TPMT: variants seen among roughly 807,000 people sequenced by gnomAD.
TPMT encodes S-adenosyl-L-methionine:thiopurine S-methyltransferase.
Under a neutral mutation model 34.2 loss-of-function variants are expected in TPMT, and 18 were observed. That is an observed-to-expected ratio of 0.53 (90% CI 0.36 to 0.78). TPMT has a LOEUF of 0.78. Among genes scored for constraint, TPMT ranks in the 30% least tolerant of loss-of-function variants. The pLI is 0.00. For synonymous variants in TPMT, 69 were observed against 92.4 expected, an observed-to-expected ratio of 0.75 and a Z score of 1.45; for missense variants, 265 against 288.1, an observed-to-expected ratio of 0.92 and a Z score of 0.58.
chr6:18,152,320 C>G (rs1405428044), intron 1 of TPMT, among the ~76,000 whole-genome samples: 2 of 152,112 alleles, frequency 1.3e-5, no homozygotes, highest in African/African-American at 4.8e-5. Flanking sequence ...TCTCTCCTGT[C>G]CTGGCTATCC....
chr6:18,145,660 G>A lies in TPMT; in HGVS notation c.234-1932C>T, dbSNP rs11969221. 0.058 allele frequency among the ~76,000 whole-genome samples: 8,766 copies of A among 152,112 alleles called. 335 individuals are homozygous for A. Among genetic ancestry groups the A allele is most frequent in the African/African-American group, 0.1 (4,354 of 41,488 alleles). ...ACATATAACTTGTCTTTCATCTTTC[G>A]TATTTCTTAGGATATCTGTAAACAT... On this transcript the variant is annotated intron_variant, in intron 3 of 8. Coordinates refer to ENST00000309983, the MANE Select transcript of TPMT (RefSeq NM_000367.5). The surrounding 1 kb of genome is among the most constrained non-coding windows in gnomAD (Gnocchi z 5.6).
chr6:18,152,089 T>C (rs1014635447), intron 1 of TPMT, among the ~76,000 whole-genome samples: 8 of 152,206 alleles, frequency 5.3e-5, no homozygotes, highest in Non-Finnish European at 8.8e-5. Flanking sequence ...GGATTTGGCC[T>C]GTTCTGAACC....
chr6:18,134,983 C>G (rs1003995789), intron 6 of TPMT, among the ~76,000 whole-genome samples: 1 of 152,226 alleles, frequency 6.6e-6, no homozygotes, highest in Non-Finnish European at 1.5e-5. Context: ...GTCCAGAGGT[C>G]TGCCAGAAGT....
chr6:18,151,184 CTTT>C (rs55751001), intron 1 of TPMT, among the ~76,000 whole-genome samples: 2,556 of 130,324 alleles, frequency 0.02, 28 homozygotes, highest in Non-Finnish European at 0.033. Context: ...CTTCTTCTCT[CTTT>C]TTTTTTTTTT....
Position 18,133,893 on chromosome 6 carries a change from CA to C in TPMT, c.495-5del. 1 of 1,611,604 alleles carries C rather than the reference CA, an allele frequency of 6.2e-7. No homozygotes were observed. Among genetic ancestry groups the C allele is most frequent in the African/African-American group, 1.3e-5 (1 of 74,942 alleles). ...GGAAAACATTGTATCTGCATAGCTACAAAGAACACAAGAAGGTATTTGTTAC... is the reference window on the plus strand; with the variant it reads ...GGAAAACATTGTATCTGCATAGCTACAAGAACACAAGAAGGTATTTGTTAC... On this transcript the variant is annotated splice_region_variant and splice_polypyrimidine_tract_variant and intron_variant, in intron 6 of 8. Transcript: ENST00000309983.
At position 18,148,563 on chromosome 6, in the gene TPMT, A is replaced by C. The variant is rs1045196489; in HGVS notation, c.140+425T>G. The stretch of plus-strand genomic sequence containing the variant: ...CTAACTCACTTTATAATTTCTCGCA[A>C]CTTCTTTTCTCCCACCATAGAGATA... On this transcript the variant is annotated intron_variant, in intron 2 of 8. Transcript: ENST00000309983. This position sits in a 1 kb window ranked among gnomAD's most constrained non-coding sequence, Gnocchi z 4.1. 2.0e-5 allele frequency among the ~76,000 whole-genome samples: 3 copies of C among 152,166 alleles called. No individual in the cohort carries two copies. The highest frequency in any genetic ancestry group is 6.5e-5 in the Admixed American group (1 of 15,268).
rs572815796 is a variant in TPMT, at chr6:18,147,228, T to C, written c.233+595A>G. Among the ~76,000 whole-genome samples, 4 of 152,360 alleles carry C rather than the reference T, an allele frequency of 2.6e-5. No individual in the cohort carries two copies. In the East Asian group the frequency reaches 5.8e-4, roughly 22 times the overall value. Reference sequence around the variant, plus strand: ...ATTATCATTACAAGAGAGTTCAGTATAGAGAATGATGTCGAGGTGACTTTA... The same window carrying C: ...ATTATCATTACAAGAGAGTTCAGTACAGAGAATGATGTCGAGGTGACTTTA... On this transcript the variant is annotated intron_variant, in intron 3 of 8. Coordinates refer to ENST00000309983, the MANE Select transcript of TPMT (RefSeq NM_000367.5).
rs1431726251 is a variant in TPMT, at chr6:18,128,725, T to C, written c.*1943A>G. The C allele has an allele frequency of 1.3e-5, 2 of 152,268 alleles. No homozygotes were observed. Among genetic ancestry groups the C allele is most frequent in the Non-Finnish European group, 2.9e-5 (2 of 68,416 alleles). 9.4% of individuals were successfully genotyped at this position (152,268 alleles called of 1,614,324 possible). A position where few individuals can be genotyped will look rare whatever the true frequency, so the allele number is the denominator to read the frequency against. ...CTTGCCTTTCTTTTTTTTCTTTTCT[T>C]TTTCTTTCTTTTGAGACAGAGTCTT... On this transcript the variant is annotated 3_prime_UTR_variant, in exon 9 of 9. Coordinates refer to ENST00000309983, the MANE Select transcript of TPMT (RefSeq NM_000367.5). This position sits in a 1 kb window ranked among gnomAD's most constrained non-coding sequence, Gnocchi z 4.6.
Position 18,146,219 on chromosome 6 carries a change from A to G in TPMT, c.233+1604T>C, listed in dbSNP as rs1354138297. Among the ~76,000 whole-genome samples, 1 of 151,808 alleles carries G rather than the reference A, an allele frequency of 6.6e-6. No homozygotes were observed. The highest frequency in any genetic ancestry group is 1.5e-5 in the Non-Finnish European group (1 of 67,970). ...TATTTACGTATATATACATATATAT[A>G]TATTTTTTGGAGACAGAGTCTCACT... On this transcript the variant is annotated intron_variant, in intron 3 of 8. Transcript: ENST00000309983. The surrounding 1 kb of genome is among the most constrained non-coding windows in gnomAD (Gnocchi z 6.2).
In TPMT at chr6:18,130,523, T is replaced by C. The variant is rs889147067; in HGVS notation, c.*145A>G. On this transcript the variant is annotated 3_prime_UTR_variant, in exon 9 of 9. Coordinates refer to ENST00000309983, the MANE Select transcript of TPMT (RefSeq NM_000367.5). The surrounding 1 kb of genome is among the most constrained non-coding windows in gnomAD (Gnocchi z 4.2). The stretch of plus-strand genomic sequence containing the variant: ...AACTTTTTTAGAAAAAGTAAATGGC[T>C]TTACTAAAAAGCCATTTTTAGTAAA... 8.1e-4 allele frequency: 504 copies of C among 625,490 alleles called. 6 individuals carry two copies. The highest frequency in any genetic ancestry group is 1.5e-4 in the Non-Finnish European group (55 of 355,810). 38.7% of individuals were successfully genotyped at this position (625,490 alleles called of 1,614,324 possible).
Position 18,130,741 on chromosome 6 carries a change from G to T in TPMT, c.665C>A (p.Ala222Asp), listed in dbSNP as rs772472108. ...CCAACTTTTATGTCGTTCTTCAAAA[G>T]CATCAACCTTCTCAAGACAACGTAT... ...CNIRCLEKVD[A>D]FEERHKSWGI... is the part of the protein sequence containing the mutation. Residue 222 changes from alanine to aspartate, a missense_variant, in exon 9 of 9, where the codon GCT becomes GAT. By Grantham distance (126) the Ala-to-Asp change is moderately radical. Coordinates refer to ENST00000309983, the MANE Select transcript of TPMT (RefSeq NM_000367.5). The surrounding 1 kb of genome is among the most constrained non-coding windows in gnomAD (Gnocchi z 4.2). 2.5e-6 allele frequency: 4 copies of T among 1,613,504 alleles called. No homozygotes were observed. The highest frequency in any genetic ancestry group is 3.4e-6 in the Non-Finnish European group (4 of 1,179,922).
At chr6:18,148,000 C>T in intron 2 of TPMT, 85 bp from the exon 3 acceptor site, 1 of 1,060,956 alleles carries the variant, frequency 9.4e-7, no homozygotes, top group Admixed American at 1.8e-5. Flanking sequence ...ATATTCCCAA[C>T]AACCTTAATA....
intron 7 of TPMT, 50 bp downstream of exon 7, chr6:18,133,754 A>C: frequency 7.2e-7 from 1 of 1,383,940 alleles, no homozygotes. Context: ...AATTTATATC[A>C]AGAAACTAGG....
At position 18,139,172 on chromosome 6, in the gene TPMT, GAGGAA is replaced by G; in HGVS notation, c.420-140_420-136del. On this transcript the variant is annotated intron_variant, in intron 5 of 8. Coordinates refer to ENST00000309983, the MANE Select transcript of TPMT (RefSeq NM_000367.5). This position sits in a 1 kb window ranked among gnomAD's most constrained non-coding sequence, Gnocchi z 4.2. Reference sequence around the variant, plus strand: ...GATCTCACGTCTGCGTTTCCTCCTAGAGGAATGTGTGGACCTGGGTGTGGAGAGCT... The same window carrying G: ...GATCTCACGTCTGCGTTTCCTCCTAGTGTGTGGACCTGGGTGTGGAGAGCT... The G allele has an allele frequency of 1.2e-6, 1 of 844,288 alleles. No individual in the cohort carries two copies. Among genetic ancestry groups the G allele is most frequent in the Non-Finnish European group, 2.0e-6 (1 of 498,602 alleles). 52.3% of individuals were successfully genotyped at this position (844,288 alleles called of 1,614,324 possible). A position where few individuals can be genotyped will look rare whatever the true frequency, so the allele number is the denominator to read the frequency against.
In TPMT at chr6:18,130,337, T is replaced by G. The variant is rs1783915878; in HGVS notation, c.*331A>C. 4.2e-6 allele frequency: 1 copy of G among 238,262 alleles called. No homozygotes were observed. The highest frequency in any genetic ancestry group is 1.1e-4 in the East Asian group (1 of 8,818). 14.8% of individuals were successfully genotyped at this position (238,262 alleles called of 1,614,324 possible). A position where few individuals can be genotyped will look rare whatever the true frequency, so the allele number is the denominator to read the frequency against. On this transcript the variant is annotated 3_prime_UTR_variant, in exon 9 of 9. Transcript: ENST00000309983. The surrounding 1 kb of genome is among the most constrained non-coding windows in gnomAD (Gnocchi z 4.2). ...GTTTTTCTGTGTGTATTATATTTAA[T>G]ATGCATTGCATTTTGAAATATTTTT...
Position 18,135,541 on chromosome 6 carries a change from A to G in TPMT, c.495-1652T>C, listed in dbSNP as rs1784027989. On this transcript the variant is annotated intron_variant, in intron 6 of 8. Coordinates refer to ENST00000309983, the MANE Select transcript of TPMT (RefSeq NM_000367.5). The surrounding 1 kb of genome is among the most constrained non-coding windows in gnomAD (Gnocchi z 5.0). ...AAGTACTGAGTACCAGCATGTAGAT[A>G]AAGAACTAAGATACTAAGTACCAGC... is the stretch of plus-strand genomic sequence containing the variant. Among the ~76,000 whole-genome samples the G allele has an allele frequency of 1.3e-5, 2 of 152,194 alleles. No homozygotes were observed. The highest frequency in any genetic ancestry group is 2.4e-5 in the African/African-American group (1 of 41,442).
rs1226016845 is a variant in TPMT at position 18,136,595 on chromosome 6, G to C, written c.494+2368C>G. ...GGCCGAGGCGGGTGGATCAGCTGGGGTCCGGAGTTCGAGACCAGCCTGACC... is the reference window on the plus strand; with the variant it reads ...GGCCGAGGCGGGTGGATCAGCTGGGCTCCGGAGTTCGAGACCAGCCTGACC... On this transcript the variant is annotated intron_variant, in intron 6 of 8. Coordinates refer to ENST00000309983, the MANE Select transcript of TPMT (RefSeq NM_000367.5). The surrounding 1 kb of genome is among the most constrained non-coding windows in gnomAD (Gnocchi z 4.7). Among the ~76,000 whole-genome samples the C allele has an allele frequency of 3.9e-5, 6 of 152,152 alleles. No individual in the cohort carries two copies. The East Asian group carries it at 1.2e-3, about 29-fold the overall frequency.
Position 18,132,345 on chromosome 6 carries a change from T to G in TPMT, c.581-168A>C, listed in dbSNP as rs552655518. On this transcript the variant is annotated intron_variant, in intron 7 of 8. Transcript: ENST00000309983. The surrounding 1 kb of genome is among the most constrained non-coding windows in gnomAD (Gnocchi z 4.8). The stretch of plus-strand genomic sequence containing the variant: ...AATTGACTTACTGAGAGGATGGCAA[T>G]GTTACATCCCCATCATATCCATCTT... Among the ~76,000 whole-genome samples the G allele has an allele frequency of 9.8e-5, 15 of 152,308 alleles. 1 individual carries two copies. In the South Asian group the frequency reaches 2.9e-3, roughly 29 times the overall value.
In TPMT at chr6:18,131,010, T is replaced by C. The variant is rs1272922055; in HGVS notation, c.626-230A>G. Among the ~76,000 whole-genome samples, 1 of 152,070 alleles carries C rather than the reference T, an allele frequency of 6.6e-6. No individual in the cohort carries two copies. Among genetic ancestry groups the C allele is most frequent in the African/African-American group, 2.4e-5 (1 of 41,392 alleles). ...AAAATGAGCTGGGTATGGTGGCACA[T>C]GCCTGTAATCCCAGCTACTTGGGAG... On this transcript the variant is annotated intron_variant, in intron 8 of 8. Coordinates refer to ENST00000309983, the MANE Select transcript of TPMT (RefSeq NM_000367.5). This position sits in a 1 kb window ranked among gnomAD's most constrained non-coding sequence, Gnocchi z 4.3.
Sources: gnomAD v4.1 joint callset for allele counts (sites outside exome capture counted in the v4.1 genomes callset) on GRCh38, gnomAD v4.1.1 for gene constraint, Gnocchi (gnomAD v3.1) non-coding constraint, MANE v1.5 for transcripts, NCBI Gene and HGNC (gene_info 2026-07-23, HGNC 2026-07-21) for gene names.